The following BAZ2B variants were observed in gnomAD, a reference collection of about 807,000 sequenced individuals.
BAZ2B encodes bromodomain adjacent to zinc finger domain protein 2B.
In BAZ2B, 91 loss-of-function variants were observed where a neutral mutation model predicts 246.0. The observed-to-expected ratio is 0.37, with a 90% CI of 0.31 to 0.44. The LOEUF is 0.44. Among genes scored for constraint, BAZ2B ranks in the 20% least tolerant of loss-of-function variants. BAZ2B has a pLI of 1.00. For synonymous variants in BAZ2B, 855 were observed against 860.0 expected (o/e 0.99, Z 0.10); for missense variants, 2,332 against 2,533.7 (o/e 0.92, Z 1.71).
chr2:159,656,297 T>C, the BAZ2B span, among the ~76,000 whole-genome samples: 1 of 152,156 alleles, frequency 6.6e-6, no homozygotes, highest in Admixed American at 6.6e-5. Context: ...TGAATTACTG[T>C]GGTACACTGG....
At chr2:159,562,320 C>G (rs1227691683) in intron 1 of BAZ2B, among the ~76,000 whole-genome samples, 2 of 152,108 alleles carry the variant, frequency 1.3e-5, no homozygotes, top group Admixed American at 1.3e-4. Flanking sequence ...CATTGTTTTG[C>G]TTGTGATAAA....
intron 1 of BAZ2B, among the ~76,000 whole-genome samples, chr2:159,608,666 G>A (rs1694056214): frequency 6.6e-6 from 1 of 152,144 alleles, no homozygotes; most frequent in Non-Finnish European, 1.5e-5. Flanking sequence ...TTTACAAAAT[G>A]CCTGATATAA....
chr2:159,510,001 T>A (rs575140897), intron 2 of BAZ2B, among the ~76,000 whole-genome samples: 16 of 151,984 alleles, frequency 1.1e-4, no homozygotes, highest in Non-Finnish European at 1.9e-4. Flanking sequence ...CTACATGCTA[T>A]AACATAGATG....
chr2:159,536,938 T>A (rs1036552823), intron 2 of BAZ2B, among the ~76,000 whole-genome samples: 1 of 152,226 alleles, frequency 6.6e-6, no homozygotes, highest in Non-Finnish European at 1.5e-5. Flanking sequence ...CTATGTTTAA[T>A]AAACAAAATA....
At chr2:159,324,467 T>C (rs914951636) in intron 36 of BAZ2B, among the ~76,000 whole-genome samples, 1 of 152,156 alleles carries the variant, frequency 6.6e-6, no homozygotes, top group Non-Finnish European at 1.5e-5. Flanking sequence ...CCGGCTTATA[T>C]GTTACTTACT....
intron 1 of BAZ2B, chr2:159,615,501 T>C (rs904902955): frequency 6.6e-6 from 1 of 151,574 alleles, no homozygotes; most frequent in African/African-American, 2.4e-5. Context: ...CCACCCCCGC[T>C]CATCTTCAGT....
intron 2 of BAZ2B, among the ~76,000 whole-genome samples, chr2:159,527,504 T>G (rs2084888674): frequency 6.6e-6 from 1 of 152,220 alleles, no homozygotes; most frequent in African/African-American, 2.4e-5. Flanking sequence ...TGTTTTTGCA[T>G]CACATGGAGA....
In BAZ2B at chr2:159,337,861, C is replaced by G; in HGVS notation, c.5455-89G>C. On this transcript the variant is annotated intron_variant, in intron 31 of 36. Coordinates refer to ENST00000392783, the MANE Select transcript of BAZ2B (RefSeq NM_013450.4). ...TTTACTTAAAATACAGCATTGGATACTGGCAGATCTCAAGGATTGTTACTA... is the reference window on the plus strand; with the variant it reads ...TTTACTTAAAATACAGCATTGGATAGTGGCAGATCTCAAGGATTGTTACTA... 3 of 1,226,036 alleles carry G rather than the reference C, an allele frequency of 2.4e-6. 1 individual carries two copies. The South Asian group carries it at 4.7e-5, about 19-fold the overall frequency. 75.9% of individuals were successfully genotyped at this position (1,226,036 alleles called of 1,614,324 possible).
intron 1 of BAZ2B, among the ~76,000 whole-genome samples, chr2:159,598,097 G>A (rs1053465080): frequency 2.0e-5 from 3 of 151,550 alleles, no homozygotes; most frequent in Non-Finnish European, 4.4e-5. Context: ...GGGCTCAAGC[G>A]ATTCTCCTGC....
intron 2 of BAZ2B, among the ~76,000 whole-genome samples, chr2:159,546,331 TTC>T (rs2087344526): frequency 6.6e-6 from 1 of 151,658 alleles, no homozygotes. Flanking sequence ...TGCACAAGCT[TTC>T]TCTCTCTGCC....
chr2:159,430,833 T>C (rs1295436558), intron 10 of BAZ2B, 30 bp downstream of exon 10: 3 of 1,588,294 alleles, frequency 1.9e-6, no homozygotes, highest in Non-Finnish European at 2.6e-6. Flanking sequence ...TGACTTCTAC[T>C]TTAGAATAAT....
At chr2:159,404,698 TTTAA>T (rs899911345) in intron 16 of BAZ2B, 147 bp downstream of exon 16, 6 of 643,152 alleles carry the variant, frequency 9.3e-6, no homozygotes, top group African/African-American at 3.7e-5. Context: ...AAGGTAAAAT[TTTAA>T]TTAATAGAAG....
intron 1 of BAZ2B, among the ~76,000 whole-genome samples, chr2:159,584,681 G>A (rs1313040107): frequency 2.0e-5 from 3 of 152,150 alleles, no homozygotes; most frequent in Non-Finnish European, 4.4e-5. Context: ...AGACAAGAAA[G>A]GAGTCAAGGA....
chr2:159,692,865 T>C, the BAZ2B span, among the ~76,000 whole-genome samples: 1 of 152,216 alleles, frequency 6.6e-6, no homozygotes, highest in African/African-American at 2.4e-5. Context: ...AGCTCAGTAG[T>C]ACTATCGAGT....
chr2:159,432,608 T>C, intron 9 of BAZ2B, 149 bp downstream of exon 9: 1 of 1,061,304 alleles, frequency 9.4e-7, no homozygotes, highest in Non-Finnish European at 1.3e-6. Context: ...CAATTACTCC[T>C]GTATTTTATG....
chr2:159,432,305 C>T (rs549045198), intron 9 of BAZ2B, among the ~76,000 whole-genome samples: 21 of 151,980 alleles, frequency 1.4e-4, no homozygotes, highest in African/African-American at 4.3e-4. Flanking sequence ...TCAGAGAGTC[C>T]TCTATATGTT....
intron 2 of BAZ2B, among the ~76,000 whole-genome samples, chr2:159,484,511 A>G (rs917422176): frequency 2.0e-5 from 3 of 152,226 alleles, no homozygotes; most frequent in African/African-American, 7.2e-5. Flanking sequence ...ATTTATCTAT[A>G]ACAATTCTGA....
chr2:159,343,202 C>G (rs1032498068), intron 31 of BAZ2B, among the ~76,000 whole-genome samples: 1 of 152,166 alleles, frequency 6.6e-6, no homozygotes, highest in African/African-American at 2.4e-5. Flanking sequence ...GCCAGGAAAA[C>G]TGGATATCCA....
At chr2:159,495,044 G>T (rs539472825) in intron 2 of BAZ2B, among the ~76,000 whole-genome samples, 2 of 152,122 alleles carry the variant, frequency 1.3e-5, no homozygotes, top group South Asian at 4.2e-4. Context: ...CCTTTTCAGG[G>T]GCCATATGTG....
Sources: gnomAD v4.1 joint callset for allele counts (sites outside exome capture counted in the v4.1 genomes callset) on GRCh38, gnomAD v4.1.1 for gene constraint, MANE v1.5 for transcripts, NCBI Gene and HGNC (gene_info 2026-07-23, HGNC 2026-07-21) for gene names.